XKR4: variants seen among roughly 807,000 people sequenced by gnomAD.
The protein encoded by XKR4 is XK-related protein 4.
A neutral mutation model predicts 53.9 loss-of-function variants in XKR4; 12 were observed. That is an observed-to-expected ratio of 0.22 (90% confidence interval 0.14 to 0.36). XKR4 has a LOEUF of 0.36. XKR4 is among the 10% of genes least tolerant of loss of function. The pLI, the probability that XKR4 is intolerant of heterozygous loss-of-function variation, is 1.00. For missense variants in XKR4, 799 were observed against 859.5 expected, an observed-to-expected ratio of 0.93 and a Z score of 0.88; for synonymous variants, 354 against 362.4, an observed-to-expected ratio of 0.98 and a Z score of 0.26.
intron 1 of XKR4, among the ~76,000 whole-genome samples, chr8:55,159,036 A>G (rs930124913): frequency 1.3e-5 from 2 of 152,226 alleles, no homozygotes; most frequent in Admixed American, 6.5e-5. Flanking sequence ...GTAGTTTGAT[A>G]GGAATAGCAT....
At chr8:55,418,684 G>A (rs941016470) in intron 2 of XKR4, among the ~76,000 whole-genome samples, 7 of 152,140 alleles carry the variant, frequency 4.6e-5, no homozygotes, top group African/African-American at 1.2e-4. Context: ...CTTCAACATC[G>A]TCCCAGATCT....
At chr8:55,166,082 G>T (rs1424306102) in intron 1 of XKR4, among the ~76,000 whole-genome samples, 1 of 152,172 alleles carries the variant, frequency 6.6e-6, no homozygotes, top group Admixed American at 6.5e-5. Flanking sequence ...GAGGCCTGTG[G>T]ATCTGGCTGC....
At chr8:55,357,962 C>T (rs901116406) in intron 2 of XKR4, 85 bp downstream of exon 2, 2 of 1,373,732 alleles carry the variant, frequency 1.5e-6, no homozygotes, top group South Asian at 1.4e-5. Flanking sequence ...TCCTAATGCC[C>T]TTTGTTGACA....
At chr8:55,221,296 C>A (rs1013539008) in intron 1 of XKR4, among the ~76,000 whole-genome samples, 7 of 152,294 alleles carry the variant, frequency 4.6e-5, no homozygotes, top group African/African-American at 1.7e-4. Flanking sequence ...ATTATGTCAA[C>A]CTAATCTCTA....
intron 1 of XKR4, among the ~76,000 whole-genome samples, chr8:55,329,421 A>T (rs1177250994): frequency 6.7e-6 from 1 of 150,370 alleles, no homozygotes; most frequent in African/African-American, 2.5e-5. Context: ...CGTCAGTGTT[A>T]GTATATTTCA....
At chr8:55,311,829 C>CAAAAAAA (rs57826022) in intron 1 of XKR4, among the ~76,000 whole-genome samples, 136 of 98,466 alleles carry the variant, frequency 1.4e-3, no homozygotes, top group African/African-American at 4.3e-3. Context: ...TGTAATTTAG[C>CAAAAAAA]AAAAAAAAAA....
intron 2 of XKR4, among the ~76,000 whole-genome samples, chr8:55,515,924 C>A (rs1806705889): frequency 6.6e-6 from 1 of 152,184 alleles, no homozygotes; most frequent in Non-Finnish European, 1.5e-5. Flanking sequence ...AAGTCTCATG[C>A]TCTGGTTGTT....
At chr8:55,180,487 G>C (rs1025761081) in intron 1 of XKR4, among the ~76,000 whole-genome samples, 3 of 152,146 alleles carry the variant, frequency 2.0e-5, no homozygotes, top group African/African-American at 7.2e-5. Context: ...AAGGAACTTG[G>C]GAGACATTTT....
At chr8:55,449,760 T>C in intron 2 of XKR4, 2 of 1,078,206 alleles carry the variant, frequency 1.9e-6, no homozygotes, top group East Asian at 4.7e-5. Context: ...TGCTTGGTCT[T>C]GTCTAACATG....
rs551759912 is a variant in XKR4 at position 55,105,435 on chromosome 8, A to G, written c.806+2141A>G. Among the ~76,000 whole-genome samples, 5 of 152,308 alleles carry G rather than the reference A, an allele frequency of 3.3e-5. No individual in the cohort carries two copies. The South Asian group carries it at 8.3e-4, about 25-fold the overall frequency. ...CCGCAGGCTGTCAGACAAATGTATT[A>G]ACTGACCCAGACTTGGAGAAACTGT... is the stretch of plus-strand genomic sequence containing the variant. On this transcript the variant is annotated intron_variant, in intron 1 of 2. Transcript: ENST00000327381.
At chr8:55,233,676 C>T (rs1453066833) in intron 1 of XKR4, among the ~76,000 whole-genome samples, 1 of 152,224 alleles carries the variant, frequency 6.6e-6, no homozygotes, top group Non-Finnish European at 1.5e-5. Context: ...TATGCAAATG[C>T]CTGAACTGTG....
intron 2 of XKR4, chr8:55,454,010 A>C: frequency 1.1e-6 from 1 of 878,722 alleles, no homozygotes; most frequent in Non-Finnish European, 1.9e-6. Context: ...CTCCGGGTGA[A>C]TGCACACGAC....
In XKR4 at chr8:55,153,619, C is replaced by G. The variant is rs79734235; in HGVS notation, c.806+50325C>G. Reference sequence around the variant, plus strand: ...ATACGTGATGAACCCTGAGAATATGCCTTAAGAGTTCCAATACAAAAGTAA... The same window carrying G: ...ATACGTGATGAACCCTGAGAATATGGCTTAAGAGTTCCAATACAAAAGTAA... On this transcript the variant is annotated intron_variant, in intron 1 of 2. Transcript: ENST00000327381. Among the ~76,000 whole-genome samples the G allele has an allele frequency of 3.4e-3, 514 of 152,278 alleles. 6 individuals are homozygous for G. The highest frequency in any genetic ancestry group is 0.01 in the African/African-American group (436 of 41,548).
At chr8:55,333,987 C>T (rs956513917) in intron 1 of XKR4, among the ~76,000 whole-genome samples, 10 of 152,088 alleles carry the variant, frequency 6.6e-5, no homozygotes, top group African/African-American at 2.4e-4. Flanking sequence ...ATTATTTTAG[C>T]CACTCTAGTT....
At chr8:55,255,786 G>A (rs1197799866) in intron 1 of XKR4, among the ~76,000 whole-genome samples, 2 of 152,068 alleles carry the variant, frequency 1.3e-5, no homozygotes, top group Non-Finnish European at 2.9e-5. Context: ...AATTACATGA[G>A]CTGTGATAGA....
At chr8:55,515,584 C>G (rs754587422) in intron 2 of XKR4, among the ~76,000 whole-genome samples, 1 of 152,194 alleles carries the variant, frequency 6.6e-6, no homozygotes, top group Admixed American at 6.5e-5. Context: ...CATGATTCAA[C>G]TCAAGTATGG....
intron 2 of XKR4, among the ~76,000 whole-genome samples, chr8:55,485,830 G>A (rs1341438157): frequency 6.6e-6 from 1 of 152,172 alleles, no homozygotes; most frequent in African/African-American, 2.4e-5. Context: ...CAGGAGCTAA[G>A]TATAAGGATG....
In XKR4 at chr8:55,531,552, A is replaced by G. The variant is rs539302267; in HGVS notation, c.*7325A>G. 1 of 152,312 alleles carries G rather than the reference A, an allele frequency of 6.6e-6. No homozygotes were observed. Among genetic ancestry groups the G allele is most frequent in the Non-Finnish European group, 1.5e-5 (1 of 68,018 alleles). The allele number at this position is 152,312 out of a possible 1,614,324, so 9.4% of individuals were successfully genotyped here. On this transcript the variant is annotated 3_prime_UTR_variant, in exon 3 of 3. Transcript: ENST00000327381. ...TGCTTATAAAGAGAAAAGTAATTTT[A>G]TAATTTGTTTATATGACTCTCCAAC...
intron 2 of XKR4, chr8:55,452,368 C>T: frequency 1.6e-6 from 1 of 631,248 alleles, no homozygotes; most frequent in Non-Finnish European, 2.9e-6. Flanking sequence ...GTGAGCATCC[C>T]CGTGAAGATG....
Sources: gnomAD v4.1 joint callset for allele counts (sites outside exome capture counted in the v4.1 genomes callset) on GRCh38, gnomAD v4.1.1 for gene constraint, MANE v1.5 for transcripts, NCBI Gene and HGNC (gene_info 2026-07-23, HGNC 2026-07-21) for gene names.